DGKA: variants seen among roughly 807,000 people sequenced by gnomAD.
DGKA encodes the protein diacylglycerol kinase alpha.
Under a neutral mutation model 105.0 loss-of-function variants are expected in DGKA, and 35 were observed. The observed-to-expected ratio is 0.33, with a 90% CI of 0.25 to 0.44. The LOEUF (loss-of-function observed/expected upper bound fraction) is 0.44. Ranked by LOEUF, DGKA falls within the 20% of genes least tolerant of loss-of-function variation. The pLI is 1.00. For synonymous variants in DGKA, 296 were observed against 332.0 expected, an observed-to-expected ratio of 0.89 and a Z score of 1.18; for missense variants, 665 against 915.0, an observed-to-expected ratio of 0.73 and a Z score of 3.53.
intron 1 of DGKA, among the ~76,000 whole-genome samples, chr12:55,934,204 C>T (rs1884207330): frequency 6.6e-6 from 1 of 152,196 alleles, no homozygotes; most frequent in African/African-American, 2.4e-5. Context: ...CTCTCCTTTG[C>T]ATTGTAACTT....
intron 1 of DGKA, among the ~76,000 whole-genome samples, chr12:55,934,226 C>T (rs935401743): frequency 3.0e-4 from 45 of 152,196 alleles, no homozygotes; most frequent in Admixed American, 2.7e-3. Context: ...TTTGCTCCCT[C>T]CTTGTCACTT....
chr12:55,937,956 T>A, intron 4 of DGKA, 22 bp from the exon 5 acceptor site: 1 of 1,611,420 alleles, frequency 6.2e-7, no homozygotes, highest in Non-Finnish European at 8.5e-7. Flanking sequence ...CCCTGACTTC[T>A]GATCTGCTTT....
At position 55,940,982 on chromosome 12, in the gene DGKA, T is replaced by TAC; in HGVS notation, c.1101+4_1101+5dup. ...TTGAGCACCTCTGAGGCTCTGCGGGTACAGGGCTGAGAGTCTTGGGCTTCA... is the reference window on the plus strand; with the variant it reads ...TTGAGCACCTCTGAGGCTCTGCGGGTACACAGGGCTGAGAGTCTTGGGCTTCA... On this transcript the variant is annotated splice_region_variant and intron_variant, in intron 13 of 23. Coordinates refer to ENST00000331886, the MANE Select transcript of DGKA (RefSeq NM_001345.5). This position sits in a 1 kb window ranked among gnomAD's most constrained non-coding sequence, Gnocchi z 4.3. The TAC allele has an allele frequency of 1.2e-6, 2 of 1,613,536 alleles. No homozygotes were observed. The highest frequency in any genetic ancestry group is 1.7e-6 in the Non-Finnish European group (2 of 1,179,740).
Position 55,940,089 on chromosome 12 carries a change from G to A in DGKA, c.717G>A (p.Lys239=). The change falls in exon 10 of 24, where the codon AAG becomes AAA. Residue 239 remains lysine (K), a synonymous_variant. Transcript: ENST00000331886. This position sits in a 1 kb window ranked among gnomAD's most constrained non-coding sequence, Gnocchi z 4.3. ...GKQGLSCNLC[K]YTVHDQCAMK... is the part of the protein sequence containing the mutation. ...TTCTTCCTTCTCCCTCAGTCTGTAAGTACACTGTTCACGACCAGTGTGCCA... is the reference window on the plus strand; with the variant it reads ...TTCTTCCTTCTCCCTCAGTCTGTAAATACACTGTTCACGACCAGTGTGCCA... 8.7e-6 allele frequency: 14 copies of A among 1,614,190 alleles called. No homozygotes were observed. The highest frequency in any genetic ancestry group is 1.1e-5 in the Non-Finnish European group (13 of 1,180,020).
At chr12:55,947,424 G>T (rs953284221) in intron 17 of DGKA, among the ~76,000 whole-genome samples, 2 of 152,112 alleles carry the variant, frequency 1.3e-5, no homozygotes, top group African/African-American at 4.8e-5. Flanking sequence ...CAGTTTTGGG[G>T]GCTGTTCCTC....
At chr12:55,939,615 A>G in intron 9 of DGKA, 86 bp downstream of exon 9, 4 of 1,353,374 alleles carry the variant, frequency 3.0e-6, no homozygotes, top group Non-Finnish European at 4.2e-6. Flanking sequence ...GAAAAGACCT[A>G]GGTTTGAATC....
intron 17 of DGKA, among the ~76,000 whole-genome samples, chr12:55,945,313 G>C (rs1886787348): frequency 6.6e-6 from 1 of 152,280 alleles, no homozygotes; most frequent in East Asian, 1.9e-4. Context: ...AGATTACCCA[G>C]AGAAAGAGGT....
rs754824628 is a variant in DGKA at position 55,938,032 on chromosome 12, G to A, written c.329G>A (p.Arg110Gln). ...TACTTTTCCCTTCTGGAGGGTGGTC[G>A]GCCAGAAGACAAGTTAGAATGTGAG... Reference protein sequence around the residue: ...SCYFSLLEGGRPEDKLEFTFK... With the variant: ...SCYFSLLEGGQPEDKLEFTFK... Residue 110 changes from arginine (R) to glutamine (Q), a missense_variant, in exon 5 of 24, where the codon CGG becomes CAG. Physicochemically the swap from Arg to Gln is conservative, Grantham distance 43. Coordinates refer to ENST00000331886, the MANE Select transcript of DGKA (RefSeq NM_001345.5). 22 of 1,613,908 alleles carry A rather than the reference G, an allele frequency of 1.4e-5. No homozygotes were observed. The Admixed American group carries it at 1.7e-4, about 12-fold the overall frequency.
chr12:55,941,257 C>A lies in DGKA; in HGVS notation c.1107C>A (p.Asp369Glu). 1 of 1,613,206 alleles carries A rather than the reference C, an allele frequency of 6.2e-7. No homozygotes were observed. ...ATTTTCTTCCCCCAATGCAGATTGA[C>A]CCTGTTCCTAACACCCACCCACTTC... ...NLSTSEALRI[D>E]PVPNTHPLLV... The change falls in exon 14 of 24, where the codon GAC (aspartate) becomes GAA (glutamate). Residue 369 changes from aspartate (D) to glutamate (E), a missense_variant. Asp to Glu is a conservative substitution (Grantham distance 45, BLOSUM62 2). Around this residue, in one of 3 missense-constraint regions of DGKA, gnomAD observed 504 missense variants for 681.2 expected, o/e 0.74. Coordinates refer to ENST00000331886, the MANE Select transcript of DGKA (RefSeq NM_001345.5).
Position 55,952,434 on chromosome 12 carries a change from GTGTGTAA to G in DGKA, c.1743+5_1743+11del. ...TGGAGGAGTCTTTGACAGTTGAGGTGTGTGTAATAAGACTTAACCCTACATCCTTTTC... is the reference window on the plus strand; with the variant it reads ...TGGAGGAGTCTTTGACAGTTGAGGTGTAAGACTTAACCCTACATCCTTTTC... On this transcript the variant is annotated splice_donor_5th_base_variant and intron_variant, in intron 20 of 23. Transcript: ENST00000331886. The surrounding 1 kb of genome is among the most constrained non-coding windows in gnomAD (Gnocchi z 5.1). 1 of 1,613,832 alleles carries G rather than the reference GTGTGTAA, an allele frequency of 6.2e-7. No homozygotes were observed. The highest frequency in any genetic ancestry group is 8.5e-7 in the Non-Finnish European group (1 of 1,179,736).
At chr12:55,947,946 C>T (rs368870050) in intron 17 of DGKA, among the ~76,000 whole-genome samples, 45 of 152,180 alleles carry the variant, frequency 3.0e-4, no homozygotes, top group Non-Finnish European at 3.7e-4. Context: ...CGCGCCACCA[C>T]GCCTGGCTAA....
In DGKA at chr12:55,937,369, C is replaced by T. The variant is rs377556461; in HGVS notation, c.139-39C>T. ...CCAATTCTTCAGCCCCAGCTCTGAC[C>T]TTGCAGACTCCCCAGGATAATGCTC... On this transcript the variant is annotated intron_variant, in intron 3 of 23. Coordinates refer to ENST00000331886, the MANE Select transcript of DGKA (RefSeq NM_001345.5). 3.7e-5 allele frequency: 59 copies of T among 1,604,514 alleles called. No homozygotes were observed. The African/African-American group carries it at 7.5e-4, about 20-fold the overall frequency.
rs746773072 is a variant in DGKA, at chr12:55,952,820, C to T, written c.1830C>T (p.Asn610=). 28 of 1,614,066 alleles carry T rather than the reference C, an allele frequency of 1.7e-5. No individual in the cohort carries two copies. The highest frequency in any genetic ancestry group is 2.2e-5 in the Non-Finnish European group (26 of 1,180,044). ...LNIPSMHGGS[N]LWGDTRRPHG... ...TCCCTAGCATGCATGGTGGCTCCAA[C>T]CTCTGGGGTGATACCAGGAGACCCC... Residue 610 remains asparagine, a synonymous_variant, in exon 21 of 24, where the codon AAC becomes AAT. Transcript: ENST00000331886. This position sits in a 1 kb window ranked among gnomAD's most constrained non-coding sequence, Gnocchi z 5.1.
chr12:55,936,998 TACTC>T lies in DGKA; in HGVS notation c.65-18_65-15del. 6.2e-7 allele frequency: 1 copy of T among 1,611,346 alleles called. No homozygotes were observed. The highest frequency in any genetic ancestry group is 8.5e-7 in the Non-Finnish European group (1 of 1,177,456). On this transcript the variant is annotated splice_polypyrimidine_tract_variant and intron_variant, in intron 2 of 23. Transcript: ENST00000331886. ...AGCTGGACTAATAATGCTGTTCTCT[TACTC>T]TCTCTACACCCTAGACTCCACCAAA... is the stretch of plus-strand genomic sequence containing the variant.
chr12:55,940,544 G>T lies in DGKA; in HGVS notation c.919-80G>T. On this transcript the variant is annotated intron_variant, in intron 11 of 23. Coordinates refer to ENST00000331886, the MANE Select transcript of DGKA (RefSeq NM_001345.5). The surrounding 1 kb of genome is among the most constrained non-coding windows in gnomAD (Gnocchi z 4.3). ...GGCACAGTTGCCCCTGCTCCCAAGG[G>T]CTCTTTCCAGCCCAGACTGCCAGGT... The T allele has an allele frequency of 6.4e-7, 1 of 1,566,508 alleles. No homozygotes were observed. Among genetic ancestry groups the T allele is most frequent in the Middle Eastern group, 1.7e-4 (1 of 5,824 alleles).
chr12:55,927,354 A>G (rs1205061432), upstream of DGKA: 5 of 730,262 alleles, frequency 6.8e-6, no homozygotes, highest in Admixed American at 2.0e-5. Flanking sequence ...AACAGTCCTC[A>G]GGGAGCCAAG....
Position 55,940,998 on chromosome 12 carries a change from T to C in DGKA, c.1101+18T>C. The C allele has an allele frequency of 6.2e-7, 1 of 1,611,156 alleles. No homozygotes were observed. Among genetic ancestry groups the C allele is most frequent in the Non-Finnish European group, 8.5e-7 (1 of 1,178,450 alleles). On this transcript the variant is annotated intron_variant, in intron 13 of 23. Coordinates refer to ENST00000331886, the MANE Select transcript of DGKA (RefSeq NM_001345.5). This position sits in a 1 kb window ranked among gnomAD's most constrained non-coding sequence, Gnocchi z 4.3. Reference sequence around the variant, plus strand: ...CTCTGCGGGTACAGGGCTGAGAGTCTTGGGCTTCATGATGGGGGCAGGTTT... The same window carrying C: ...CTCTGCGGGTACAGGGCTGAGAGTCCTGGGCTTCATGATGGGGGCAGGTTT...
chr12:55,936,628 C>T (rs1246855739), intron 2 of DGKA, 61 bp downstream of exon 2: 4 of 1,606,898 alleles, frequency 2.5e-6, no homozygotes, highest in Admixed American at 1.7e-5. Flanking sequence ...CCCTCCTCCT[C>T]CTCATTACAC....
chr12:55,951,910 G>A, intron 18 of DGKA, 125 bp from the exon 19 acceptor site: 1 of 1,504,494 alleles, frequency 6.6e-7, no homozygotes, highest in South Asian at 1.2e-5. Context: ...GTGCAGTACA[G>A]TGCTGAGTTG....
Sources: gnomAD v4.1 joint callset for allele counts (sites outside exome capture counted in the v4.1 genomes callset) on GRCh38, gnomAD v4.1.1 for gene constraint, gnomAD v4.1.1 regional missense constraint, Gnocchi (gnomAD v3.1) non-coding constraint, MANE v1.5 for transcripts, NCBI Gene and HGNC (gene_info 2026-07-23, HGNC 2026-07-21) for gene names.